Variants in SPTB observed in about 807,000 individuals in gnomAD.
SPTB encodes the protein spectrin beta, erythrocytic.
In SPTB, 45 loss-of-function variants were observed where a neutral mutation model predicts 256.2. That is an observed-to-expected ratio of 0.18 (90% CI 0.14 to 0.23). The LOEUF (loss-of-function observed/expected upper bound fraction) is 0.23, where lower values mean the gene tolerates loss of function less well. Among genes scored for constraint, SPTB ranks in the 10% least tolerant of loss-of-function variants. The pLI, the probability that SPTB is intolerant of heterozygous loss-of-function variation, is 1.00. For missense variants in SPTB, 2,715 were observed against 3,040.4 expected, an observed-to-expected ratio of 0.89 and a Z score of 2.52; for synonymous variants, 1,231 against 1,243.1, an observed-to-expected ratio of 0.99 and a Z score of 0.21.
At chr14:64,801,961 AGGG>A in intron 5 of SPTB, 127 bp from the exon 6 acceptor site, 3 of 969,458 alleles carry the variant, frequency 3.1e-6, no homozygotes, top group Non-Finnish European at 4.9e-6. Context: ...GGTCACCAAG[AGGG>A]GGCAGCAGCT....
rs373542257 is a variant in SPTB at position 64,779,943 on chromosome 14, G to A, written c.4267-12C>T. 10 of 1,612,338 alleles carry A rather than the reference G, an allele frequency of 6.2e-6. No individual in the cohort carries two copies. The African/African-American group carries it at 9.3e-5, about 15-fold the overall frequency. On this transcript the variant is annotated splice_polypyrimidine_tract_variant and intron_variant, in intron 20 of 35. Coordinates refer to ENST00000644917, the MANE Select transcript of SPTB (RefSeq NM_001355436.2). The surrounding 1 kb of genome is among the most constrained non-coding windows in gnomAD (Gnocchi z 4.2). ...TGGTCCTCCACTCGCTGAGACACAA[G>A]GGGACGGTGTCAGCACCAGCCTTGG...
Position 64,762,958 on chromosome 14 carries a change from G to A in SPTB, c.6345+3768C>T, listed in dbSNP as rs564101234. ...CAGGGACGTCACACATGGCATCACC[G>A]CAGCCCTGCTGAGGGAGTTCTCAGA... On this transcript the variant is annotated intron_variant, in intron 32 of 35. Transcript: ENST00000644917. 4.6e-5 allele frequency among the ~76,000 whole-genome samples: 7 copies of A among 152,340 alleles called. No individual in the cohort carries two copies. In the South Asian group the frequency reaches 6.2e-4, roughly 14 times the overall value.
chr14:64,873,691 C>T lies in SPTB; in HGVS notation c.-52+6101G>A, dbSNP rs1340628072. 6.6e-6 allele frequency among the ~76,000 whole-genome samples: 1 copy of T among 152,064 alleles called. No individual in the cohort carries two copies. The highest frequency in any genetic ancestry group is 1.5e-5 in the Non-Finnish European group (1 of 68,004). ...TATTCTGCTGAAGAAAAAAAGCAAC[C>T]GCGGTCTCAACCAGAAGGCCCAGAA... is the stretch of plus-strand genomic sequence containing the variant. On this transcript the variant is annotated intron_variant, in intron 1 of 35. Coordinates refer to ENST00000644917, the MANE Select transcript of SPTB (RefSeq NM_001355436.2). This position sits in a 1 kb window ranked among gnomAD's most constrained non-coding sequence, Gnocchi z 4.3.
chr14:64,771,580 G>C (rs1194719590), intron 26 of SPTB, among the ~76,000 whole-genome samples: 2 of 152,116 alleles, frequency 1.3e-5, no homozygotes, highest in East Asian at 3.8e-4. Context: ...GTACAGCTGG[G>C]ATTTGCACCG....
chr14:64,766,963 G>T (rs911337063), intron 31 of SPTB, among the ~76,000 whole-genome samples, 162 bp from the exon 32 acceptor site: 1 of 152,150 alleles, frequency 6.6e-6, no homozygotes, highest in African/African-American at 2.4e-5. Context: ...GCCGCCCAGC[G>T]ACTTCTTCGG....
At position 64,799,946 on chromosome 14, in the gene SPTB, T is replaced by C. The variant is rs746292092; in HGVS notation, c.877-12A>G. 1.2e-6 allele frequency: 2 copies of C among 1,613,972 alleles called. No homozygotes were observed. The highest frequency in any genetic ancestry group is 8.5e-7 in the Non-Finnish European group (1 of 1,179,988). The stretch of plus-strand genomic sequence containing the variant: ...GCATGGTCAATAACCTAAGGAATCA[T>C]CTTCTTACTTATTCTCATCAGAAGG... On this transcript the variant is annotated splice_polypyrimidine_tract_variant and intron_variant, in intron 8 of 35. Coordinates refer to ENST00000644917, the MANE Select transcript of SPTB (RefSeq NM_001355436.2).
At chr14:64,849,137 G>A (rs2083739158) in intron 1 of SPTB, among the ~76,000 whole-genome samples, 1 of 152,192 alleles carries the variant, frequency 6.6e-6, no homozygotes, top group South Asian at 2.1e-4. Context: ...ATATTCATTA[G>A]TTTTGCTGCA....
chr14:64,756,846 C>T (rs1259793381), intron 32 of SPTB: 1 of 152,236 alleles, frequency 6.6e-6, no homozygotes, highest in Non-Finnish European at 1.5e-5. Flanking sequence ...CCTCTCTATG[C>T]ATCTGGCAGC....
intron 33 of SPTB, 35 bp downstream of exon 33, chr14:64,753,502 A>T: frequency 6.2e-7 from 1 of 1,612,388 alleles, no homozygotes; most frequent in Non-Finnish European, 8.5e-7. Context: ...GAGCTGCCCA[A>T]CCTACCCTCA....
In SPTB at chr14:64,778,932, C is replaced by G. The variant is rs2269305; in HGVS notation, c.4563+225G>C. On this transcript the variant is annotated intron_variant, in intron 22 of 35. Transcript: ENST00000644917. This position sits in a 1 kb window ranked among gnomAD's most constrained non-coding sequence, Gnocchi z 5.2. ...AGGCTGAATGGCCCTGAATCCCCAA[C>G]TACCTCCCCTCCTCTGTGATCCTCC... Among the ~76,000 whole-genome samples, 9,154 of 152,200 alleles carry G rather than the reference C, an allele frequency of 0.06. 335 individuals carry two copies. Among genetic ancestry groups the G allele is most frequent in the Non-Finnish European group, 0.09 (6,118 of 67,984 alleles).
intron 2 of SPTB, among the ~76,000 whole-genome samples, chr14:64,820,874 C>T (rs751188867): frequency 6.6e-5 from 10 of 151,934 alleles, no homozygotes; most frequent in East Asian, 3.9e-4. Flanking sequence ...GATGGAGTTT[C>T]GCCCTCTTGG....
chr14:64,839,818 C>T (rs190128641), intron 1 of SPTB, among the ~76,000 whole-genome samples: 5 of 152,168 alleles, frequency 3.3e-5, no homozygotes, highest in Admixed American at 2.6e-4. Context: ...AATGATACAA[C>T]AAGATAGAGC....
rs2082348269 is a variant in SPTB at position 64,775,846 on chromosome 14, G to C, written c.4564-443C>G. Among the ~76,000 whole-genome samples, 1 of 152,174 alleles carries C rather than the reference G, an allele frequency of 6.6e-6. No individual in the cohort carries two copies. Reference sequence around the variant, plus strand: ...GATTTATGCAGGATCATTTACGCAGGATACGCCCAACCCAGCAGCTCAGGT... The same window carrying C: ...GATTTATGCAGGATCATTTACGCAGCATACGCCCAACCCAGCAGCTCAGGT... On this transcript the variant is annotated intron_variant, in intron 22 of 35. Coordinates refer to ENST00000644917, the MANE Select transcript of SPTB (RefSeq NM_001355436.2). The surrounding 1 kb of genome is among the most constrained non-coding windows in gnomAD (Gnocchi z 5.0).
rs1224752737 is a variant in SPTB, at chr14:64,844,292, T to G, written c.-51-21147A>C. Among the ~76,000 whole-genome samples the G allele has an allele frequency of 6.6e-6, 1 of 152,222 alleles. No homozygotes were observed. Among genetic ancestry groups the G allele is most frequent in the Non-Finnish European group, 1.5e-5 (1 of 68,038 alleles). On this transcript the variant is annotated intron_variant, in intron 1 of 35. Coordinates refer to ENST00000644917, the MANE Select transcript of SPTB (RefSeq NM_001355436.2). The surrounding 1 kb of genome is among the most constrained non-coding windows in gnomAD (Gnocchi z 4.1). The stretch of plus-strand genomic sequence containing the variant: ...CGTCCTCAGTTGTGAATTATCCACC[T>G]ATGTGTGAAGGGACCAGGTCCCAAC...
intron 2 of SPTB, 98 bp from the exon 3 acceptor site, chr14:64,805,188 T>A: frequency 2.1e-6 from 3 of 1,402,838 alleles, no homozygotes; most frequent in Middle Eastern, 1.8e-4. Flanking sequence ...GGTACCCCCA[T>A]GCTTGGCAGA....
intron 1 of SPTB, among the ~76,000 whole-genome samples, chr14:64,857,502 C>T (rs2083891694): frequency 6.8e-6 from 1 of 146,744 alleles, no homozygotes; most frequent in Non-Finnish European, 1.5e-5. Context: ...CACTTGAGCC[C>T]ATGAAGTTGA....
At chr14:64,803,895 A>G (rs1337920626) in intron 3 of SPTB, 115 bp from the exon 4 acceptor site, 2 of 1,086,022 alleles carry the variant, frequency 1.8e-6, no homozygotes, top group Non-Finnish European at 2.7e-6. Flanking sequence ...TTGGCCAAAC[A>G]CCAAGTCCCA....
chr14:64,855,547 C>T (rs1341595051), intron 1 of SPTB, among the ~76,000 whole-genome samples: 4 of 40,546 alleles, frequency 9.9e-5, no homozygotes, highest in African/African-American at 3.6e-4. Context: ...TATACGTTGA[C>T]CAGGCTGGTC....
intron 2 of SPTB, among the ~76,000 whole-genome samples, chr14:64,809,117 C>A (rs895773513): frequency 1.3e-5 from 2 of 151,702 alleles, no homozygotes; most frequent in Non-Finnish European, 2.9e-5. Flanking sequence ...AAAAAATTAG[C>A]CAGGCATGGT....
Sources: gnomAD v4.1 joint callset for allele counts (sites outside exome capture counted in the v4.1 genomes callset) on GRCh38, gnomAD v4.1.1 for gene constraint, Gnocchi (gnomAD v3.1) non-coding constraint, MANE v1.5 for transcripts, NCBI Gene and HGNC (gene_info 2026-07-23, HGNC 2026-07-21) for gene names.